Variants in TBC1D12 observed in about 807,000 individuals in gnomAD.
TBC1D12 encodes the protein TBC1 domain family, member 12.
TBC1D12 carries 56 observed loss-of-function variants against 86.7 expected under a neutral mutation model. The observed-to-expected ratio is 0.65, with a 90% CI of 0.52 to 0.81. The LOEUF (loss-of-function observed/expected upper bound fraction) is 0.81. Among genes scored for constraint, TBC1D12 ranks in the 30% least tolerant of loss-of-function variants. TBC1D12 has a pLI of 0.00. For synonymous variants in TBC1D12, 421 were observed against 411.7 expected (o/e 1.02, Z -0.27); for missense variants, 1,023 against 1,038.8 (o/e 0.98, Z 0.21).
At chr10:94,417,652 A>G (rs2134057607) in intron 1 of TBC1D12, among the ~76,000 whole-genome samples, 1 of 152,246 alleles carries the variant, frequency 6.6e-6, no homozygotes, top group East Asian at 1.9e-4. Flanking sequence ...ATAAAAGTGG[A>G]CTGGGACAGT....
rs1344010029 is a variant in TBC1D12, at chr10:94,403,072, C to A, written c.459C>A (p.Arg153=). 3.4e-6 allele frequency: 5 copies of A among 1,468,192 alleles called. No individual in the cohort carries two copies. Among genetic ancestry groups the A allele is most frequent in the African/African-American group, 1.5e-5 (1 of 67,788 alleles). The allele number at this position is 1,468,192 out of a possible 1,614,324, so 90.9% of individuals were successfully genotyped here. ...ACTGTCGCGATCTGGAAGAGGCTCGCGGGCTGGCGCGCGCCGGCGGCCGGG... is the reference window on the plus strand; with the variant it reads ...ACTGTCGCGATCTGGAAGAGGCTCGAGGGCTGGCGCGCGCCGGCGGCCGGG... ...GRDCRDLEEA[R]GLARAGGRES... is the part of the protein sequence containing the mutation. Residue 153 remains arginine (R), a synonymous_variant, in exon 1 of 13, where the codon CGC becomes CGA. Coordinates refer to ENST00000225235, the MANE Select transcript of TBC1D12 (RefSeq NM_015188.2).
intron 2 of TBC1D12, among the ~76,000 whole-genome samples, chr10:94,449,281 T>C (rs1219650050): frequency 1.3e-5 from 2 of 152,192 alleles, no homozygotes; most frequent in African/African-American, 2.4e-5. Context: ...TATAGCAGGC[T>C]TCAGACTAAA....
chr10:94,511,843 G>C (rs1564985387), intron 9 of TBC1D12, among the ~76,000 whole-genome samples, 189 bp downstream of exon 9: 2 of 152,162 alleles, frequency 1.3e-5, no homozygotes, highest in African/African-American at 4.8e-5. Context: ...GAGGCTGCCA[G>C]CTTTCTGGGG....
At chr10:94,422,888 A>G (rs989128485) in intron 1 of TBC1D12, among the ~76,000 whole-genome samples, 2 of 152,150 alleles carry the variant, frequency 1.3e-5, no homozygotes, top group African/African-American at 4.8e-5. Flanking sequence ...CCTTAAATAA[A>G]GTAGAATTTA....
intron 2 of TBC1D12, among the ~76,000 whole-genome samples, chr10:94,474,299 A>G (rs2055953713): frequency 1.3e-5 from 2 of 151,624 alleles, no homozygotes; most frequent in Non-Finnish European, 2.9e-5. Context: ...GATACTTTGT[A>G]TGTAATATAT....
intron 1 of TBC1D12, among the ~76,000 whole-genome samples, chr10:94,439,241 T>G (rs2055346627): frequency 6.6e-6 from 1 of 152,224 alleles, no homozygotes; most frequent in Non-Finnish European, 1.5e-5. Flanking sequence ...TCATCAACTT[T>G]TTCTTTTGTA....
Position 94,411,410 on chromosome 10 carries a change from GC to G in TBC1D12, c.971+7827del, listed in dbSNP as rs1361737569. Among the ~76,000 whole-genome samples the G allele has an allele frequency of 5.3e-5, 8 of 152,236 alleles. No individual in the cohort carries two copies. In the East Asian group the frequency reaches 1.5e-3, roughly 29 times the overall value. ...TGATGAACTAGTGCAGTTGTTTGTAGCTTTTGGTATATTCAAAATCACCTGA... is the reference window on the plus strand; with the variant it reads ...TGATGAACTAGTGCAGTTGTTTGTAGTTTTGGTATATTCAAAATCACCTGA... On this transcript the variant is annotated intron_variant, in intron 1 of 12. Coordinates refer to ENST00000225235, the MANE Select transcript of TBC1D12 (RefSeq NM_015188.2).
At position 94,403,589 on chromosome 10, in the gene TBC1D12, A is replaced by T. The variant is rs371703035; in HGVS notation, c.971+5A>T. On this transcript the variant is annotated splice_donor_5th_base_variant and intron_variant, in intron 1 of 12. Transcript: ENST00000225235. ...CTTCGCGGACTTCTTCACCAGGTAC[A>T]GCGCAGGCTGCATGGGACTCGGGGC... The T allele has an allele frequency of 5.9e-4, 861 of 1,456,216 alleles. 5 individuals are homozygous for T. In the African/African-American group the frequency reaches 0.012, roughly 20 times the overall value. 90.2% of individuals were successfully genotyped at this position (1,456,216 alleles called of 1,614,324 possible). A position where few individuals can be genotyped will look rare whatever the true frequency, so the allele number is the denominator to read the frequency against.
chr10:94,465,019 G>T (rs550951584), intron 2 of TBC1D12, among the ~76,000 whole-genome samples: 1 of 152,160 alleles, frequency 6.6e-6, no homozygotes, highest in Non-Finnish European at 1.5e-5. Flanking sequence ...AGAGAAGAAC[G>T]TTTTAATAGT....
intron 11 of TBC1D12, among the ~76,000 whole-genome samples, chr10:94,529,303 G>A (rs770970350): frequency 2.0e-5 from 3 of 152,228 alleles, no homozygotes; most frequent in East Asian, 1.9e-4. Context: ...CACCAGACCC[G>A]ACTGATTTAG....
rs760078319 is a variant in TBC1D12, at chr10:94,533,417, C to G, written c.*321C>G. ...TTGAAGATACTTCAAATTTTTACAT[C>G]TTTTCTTTTGTAACAGTTACCACAA... On this transcript the variant is annotated 3_prime_UTR_variant, in exon 13 of 13. Coordinates refer to ENST00000225235, the MANE Select transcript of TBC1D12 (RefSeq NM_015188.2). 4.7e-6 allele frequency: 1 copy of G among 212,124 alleles called. No individual in the cohort carries two copies. Among genetic ancestry groups the G allele is most frequent in the Non-Finnish European group, 9.3e-6 (1 of 107,654 alleles). 13.1% of individuals were successfully genotyped at this position (212,124 alleles called of 1,614,324 possible). A position where few individuals can be genotyped will look rare whatever the true frequency, so the allele number is the denominator to read the frequency against.
intron 2 of TBC1D12, among the ~76,000 whole-genome samples, chr10:94,443,600 G>A (rs1253266517): frequency 6.6e-6 from 1 of 152,184 alleles, no homozygotes; most frequent in East Asian, 1.9e-4. Flanking sequence ...AATTTTTTGA[G>A]GCAAACAGTG....
chr10:94,426,102 A>G (rs531673379), intron 1 of TBC1D12, among the ~76,000 whole-genome samples: 25 of 152,272 alleles, frequency 1.6e-4, no homozygotes, highest in African/African-American at 5.5e-4. Context: ...TCTGCAAATA[A>G]GAGAACATTT....
chr10:94,469,447 C>CTTTTTT (rs71031578), intron 2 of TBC1D12, among the ~76,000 whole-genome samples: 11 of 112,570 alleles, frequency 9.8e-5, no homozygotes, highest in Non-Finnish European at 1.0e-4. Context: ...GAGTTTTTTC[C>CTTTTTT]TTTTTTTTTT....
chr10:94,500,147 G>C, intron 5 of TBC1D12, 74 bp from the exon 6 acceptor site: 4 of 1,343,152 alleles, frequency 3.0e-6, no homozygotes, highest in Non-Finnish European at 3.1e-6. Context: ...ATAGACTAAA[G>C]ATAATCCATC....
chr10:94,424,494 A>G (rs1201865056), intron 1 of TBC1D12, among the ~76,000 whole-genome samples: 3 of 152,176 alleles, frequency 2.0e-5, no homozygotes, highest in African/African-American at 7.2e-5. Context: ...TTTGAGCACC[A>G]CCTATATTCC....
intron 2 of TBC1D12, among the ~76,000 whole-genome samples, chr10:94,472,715 C>G (rs1194745175): frequency 6.6e-6 from 1 of 151,912 alleles, no homozygotes. Context: ...ATTATATATT[C>G]TAGATATTAG....
intron 7 of TBC1D12, among the ~76,000 whole-genome samples, chr10:94,507,662 T>C (rs543399841): frequency 2.0e-5 from 3 of 152,302 alleles, no homozygotes; most frequent in East Asian, 1.9e-4. Context: ...ATTAAAATTA[T>C]AAGTATTCAC....
Position 94,403,689 on chromosome 10 carries a change from G to A in TBC1D12, c.971+105G>A, listed in dbSNP as rs1445439016. The A allele has an allele frequency of 5.2e-6, 7 of 1,341,380 alleles. No individual in the cohort carries two copies. In the East Asian group the frequency reaches 1.5e-4, roughly 29 times the overall value. 83.1% of individuals were successfully genotyped at this position (1,341,380 alleles called of 1,614,324 possible). ...GAGCCGGAGCCGGAGCGGAGAGCTT[G>A]GTCGGCCGCTTCCGTGCCAGCCCCA... On this transcript the variant is annotated intron_variant, in intron 1 of 12. Coordinates refer to ENST00000225235, the MANE Select transcript of TBC1D12 (RefSeq NM_015188.2).
Sources: gnomAD v4.1 joint callset for allele counts (sites outside exome capture counted in the v4.1 genomes callset) on GRCh38, gnomAD v4.1.1 for gene constraint, MANE v1.5 for transcripts, NCBI Gene and HGNC (gene_info 2026-07-23, HGNC 2026-07-21) for gene names.